Variants in POLN observed in about 807,000 individuals in gnomAD.
POLN encodes the protein DNA polymerase N.
Under a neutral mutation model 113.5 loss-of-function variants are expected in POLN, and 108 were observed. That is an observed-to-expected ratio of 0.95 (90% CI 0.81 to 1.12). POLN has a LOEUF of 1.12. Among genes scored for constraint, POLN ranks in the 50% most tolerant of loss-of-function variants. POLN has a pLI of 0.00. For synonymous variants in POLN, 386 were observed against 391.5 expected, an observed-to-expected ratio of 0.99 and a Z score of 0.17; for missense variants, 1,097 against 1,077.1, an observed-to-expected ratio of 1.02 and a Z score of -0.26.
chr4:2,233,803 T>C (rs969280514), intron 2 of POLN, among the ~76,000 whole-genome samples: 16 of 152,236 alleles, frequency 1.1e-4, no homozygotes, highest in African/African-American at 3.6e-4. Context: ...GTTTTTCTTT[T>C]TTGGCAATTC....
intron 19 of POLN, among the ~76,000 whole-genome samples, chr4:2,123,864 T>A (rs986284583): frequency 1.3e-5 from 2 of 151,566 alleles, no homozygotes; most frequent in African/African-American, 4.8e-5. Flanking sequence ...ATGTGCATAA[T>A]GCATTGTTCA....
intron 5 of POLN, among the ~76,000 whole-genome samples, chr4:2,206,047 A>T (rs937180253): frequency 6.6e-6 from 1 of 152,192 alleles, no homozygotes; most frequent in African/African-American, 2.4e-5. Context: ...TGGTATAAAA[A>T]TAGGCACATA....
chr4:2,196,638 G>T (rs1293691792), intron 6 of POLN, among the ~76,000 whole-genome samples: 5 of 117,686 alleles, frequency 4.2e-5, no homozygotes, highest in Non-Finnish European at 9.1e-5. Context: ...TGTGGCTCTG[G>T]AAAAAAAAAA....
intron 2 of POLN, among the ~76,000 whole-genome samples, chr4:2,239,444 T>C (rs770204817): frequency 3.3e-5 from 5 of 152,240 alleles, no homozygotes; most frequent in Admixed American, 6.5e-5. Context: ...GGATTTCCTA[T>C]ATCATTCAAA....
At chr4:2,224,249 T>C (rs1183930550) in intron 3 of POLN, among the ~76,000 whole-genome samples, 1 of 152,236 alleles carries the variant, frequency 6.6e-6, no homozygotes, top group Non-Finnish European at 1.5e-5. Context: ...CACTGTCTTC[T>C]ACTTCTGTAT....
At chr4:2,110,423 A>C (rs1053824154) in intron 19 of POLN, among the ~76,000 whole-genome samples, 2 of 152,150 alleles carry the variant, frequency 1.3e-5, no homozygotes, top group Non-Finnish European at 2.9e-5. Flanking sequence ...GACACAAAAA[A>C]CCCTTCAAAA....
intron 22 of POLN, 104 bp from the exon 23 acceptor site, chr4:2,081,140 G>A (rs1730405819): frequency 1.2e-6 from 2 of 1,602,674 alleles, no homozygotes; most frequent in Non-Finnish European, 1.7e-6. Flanking sequence ...TCCACACAGA[G>A]GTGCTGGCTC....
At chr4:2,181,857 G>A (rs1265005781) in intron 7 of POLN, among the ~76,000 whole-genome samples, 1 of 152,056 alleles carries the variant, frequency 6.6e-6, no homozygotes, top group African/African-American at 2.4e-5. Flanking sequence ...AAAATTAGCT[G>A]GGTGTGGTGG....
chr4:2,073,024 C>T lies in POLN; in HGVS notation c.2461G>A (p.Val821Ile), dbSNP rs750568828. 59 of 1,613,338 alleles carry T rather than the reference C, an allele frequency of 3.7e-5. No individual in the cohort carries two copies. The South Asian group carries it at 4.5e-4, about 12-fold the overall frequency. The change falls in exon 25 of 26, where the codon GTC becomes ATC. Residue 821 changes from valine (V) to isoleucine (I), a missense_variant. Physicochemically the swap from Val to Ile is conservative, Grantham distance 29. Coordinates refer to ENST00000511885, the MANE Select transcript of POLN (RefSeq NM_181808.4). ...TCCAAGGACTCCATGGTCCTCCTGA[C>T]GAGAGCTAGAGTGCGGAAGAGAGAG... The part of the protein sequence containing the change: ...DPQIPECAAL[V>I]RRTMESLEQV...
intron 13 of POLN, among the ~76,000 whole-genome samples, chr4:2,167,798 C>T (rs1474571080): frequency 6.6e-6 from 1 of 152,064 alleles, no homozygotes; most frequent in Non-Finnish European, 1.5e-5. Context: ...ACTCAGGAGG[C>T]TGAGGCAGGA....
intron 8 of POLN, 121 bp from the exon 9 acceptor site, chr4:2,176,455 G>A: frequency 1.4e-6 from 1 of 712,374 alleles, no homozygotes; most frequent in Non-Finnish European, 2.3e-6. Context: ...GTTTTCAATG[G>A]CAGATGTCAT....
At chr4:2,156,224 T>G (rs937740471) in intron 16 of POLN, among the ~76,000 whole-genome samples, 2 of 152,366 alleles carry the variant, frequency 1.3e-5, no homozygotes, top group South Asian at 2.1e-4. Context: ...AGTGACTTAT[T>G]ACTATTTTTA....
rs543969594 is a variant in POLN, at chr4:2,096,214, A to G, written c.1983-281T>C. 2.0e-4 allele frequency among the ~76,000 whole-genome samples: 30 copies of G among 152,274 alleles called. No individual in the cohort carries two copies. In the South Asian group the frequency reaches 3.5e-3, roughly 18 times the overall value. Reference sequence around the variant, plus strand: ...TCAAAACCCAAAACTGCTTTCACCAAAGGCATGCCCATCCAACTTCAGGAA... The same window carrying G: ...TCAAAACCCAAAACTGCTTTCACCAGAGGCATGCCCATCCAACTTCAGGAA... On this transcript the variant is annotated intron_variant, in intron 19 of 25. Coordinates refer to ENST00000511885, the MANE Select transcript of POLN (RefSeq NM_181808.4).
intron 16 of POLN, among the ~76,000 whole-genome samples, chr4:2,136,943 G>C (rs759072517): frequency 1.3e-5 from 2 of 152,238 alleles, no homozygotes; most frequent in Non-Finnish European, 2.9e-5. Flanking sequence ...TCCTTGTCTT[G>C]AGAAAGCTGT....
intron 19 of POLN, among the ~76,000 whole-genome samples, chr4:2,111,656 C>T (rs971735614): frequency 1.6e-4 from 24 of 151,888 alleles, no homozygotes; most frequent in Admixed American, 3.3e-4. Flanking sequence ...TCAAAGAGAA[C>T]AAAATACCTA....
At chr4:2,094,749 C>G (rs1171454929) in intron 20 of POLN, among the ~76,000 whole-genome samples, 1 of 152,068 alleles carries the variant, frequency 6.6e-6, no homozygotes, top group Non-Finnish European at 1.5e-5. Context: ...GACAAGCTAT[C>G]CATCCACAGT....
intron 5 of POLN, among the ~76,000 whole-genome samples, chr4:2,199,297 G>A (rs905803340): frequency 3.3e-5 from 5 of 151,966 alleles, no homozygotes; most frequent in African/African-American, 9.7e-5. Flanking sequence ...CCTAAATAAC[G>A]AAGACATATA....
At chr4:2,120,314 C>T (rs1731408881) in intron 19 of POLN, among the ~76,000 whole-genome samples, 1 of 152,096 alleles carries the variant, frequency 6.6e-6, no homozygotes, top group Non-Finnish European at 1.5e-5. Context: ...AGGAATTGCA[C>T]TATAAACCTA....
At chr4:2,144,201 G>C (rs1464291966) in intron 16 of POLN, among the ~76,000 whole-genome samples, 1 of 144,460 alleles carries the variant, frequency 6.9e-6, no homozygotes, top group Non-Finnish European at 1.5e-5. Flanking sequence ...CTGGAGTGCA[G>C]TGGCGTGAAC....
Sources: gnomAD v4.1 joint callset for allele counts (sites outside exome capture counted in the v4.1 genomes callset) on GRCh38, gnomAD v4.1.1 for gene constraint, MANE v1.5 for transcripts, NCBI Gene and HGNC (gene_info 2026-07-23, HGNC 2026-07-21) for gene names.